HIVEP3: variants seen among roughly 807,000 people sequenced by gnomAD.
HIVEP3 encodes HIVEP zinc finger 3, also known as transcription factor HIVEP3.
Under a neutral mutation model 152.8 loss-of-function variants are expected in HIVEP3, and 49 were observed. The observed-to-expected ratio is 0.32, with a 90% CI of 0.26 to 0.41. The LOEUF (loss-of-function observed/expected upper bound fraction) is 0.41, where lower values mean the gene tolerates loss of function less well. HIVEP3 is among the 10% of genes least tolerant of loss of function. The pLI is 1.00. For synonymous variants in HIVEP3, 1,269 were observed against 1,289.0 expected, an observed-to-expected ratio of 0.98 and a Z score of 0.33; for missense variants, 2,790 against 3,103.3, an observed-to-expected ratio of 0.90 and a Z score of 2.40.
intron 2 of HIVEP3, among the ~76,000 whole-genome samples, chr1:41,663,252 G>C (rs909832007): frequency 6.6e-6 from 1 of 152,222 alleles, no homozygotes; most frequent in African/African-American, 2.4e-5. Context: ...GTGGAACCAG[G>C]GCTGGCCCTG....
intron 1 of HIVEP3, among the ~76,000 whole-genome samples, chr1:41,736,969 C>T (rs910659252): frequency 1.3e-5 from 2 of 152,178 alleles, no homozygotes; most frequent in African/African-American, 4.8e-5. Flanking sequence ...CAGCCACCAC[C>T]TACCCCTTCT....
Position 41,690,670 on chromosome 1 carries a change from C to A in HIVEP3, c.-721+10246G>T, listed in dbSNP as rs568894625. 2.6e-5 allele frequency among the ~76,000 whole-genome samples: 4 copies of A among 152,298 alleles called. No homozygotes were observed. The South Asian group carries it at 8.3e-4, about 32-fold the overall frequency. ...CGGTGGCTTACACCTGTAATCCCAG[C>A]ACTTTGGGAGGCCGAGGCAGATGGA... On this transcript the variant is annotated intron_variant, in intron 2 of 8. Coordinates refer to ENST00000372583, the MANE Select transcript of HIVEP3 (RefSeq NM_024503.5).
chr1:41,628,459 G>A (rs1033502570), intron 3 of HIVEP3, among the ~76,000 whole-genome samples: 1 of 152,136 alleles, frequency 6.6e-6, no homozygotes, highest in Non-Finnish European at 1.5e-5. Context: ...AGGAGCTGTT[G>A]TGTCCTTTGC....
rs762121105 is a variant in HIVEP3, at chr1:41,580,590, G to T, written c.4208C>A (p.Pro1403His). 4.7e-5 allele frequency: 76 copies of T among 1,614,018 alleles called. No individual in the cohort carries two copies. Among genetic ancestry groups the T allele is most frequent in the Non-Finnish European group, 6.4e-5 (75 of 1,180,034 alleles). ...TPYLRVPVTL[P>H]ERKGTSLSSE... ...TGACAGGGAAGTGCCTTTTCTTTCA[G>T]GTAATGTCACAGGCACTCTCAGGTA... Residue 1403 changes from proline (P) to histidine (H), a missense_variant, in exon 4 of 9, where the codon CCT becomes CAT. Around this residue, in one of 9 missense-constraint regions of HIVEP3, gnomAD observed 1,078 missense variants for 1,165.3 expected, o/e 0.93. Coordinates refer to ENST00000372583, the MANE Select transcript of HIVEP3 (RefSeq NM_024503.5).
At chr1:41,857,570 A>G (rs1187697880) in intron 1 of HIVEP3, among the ~76,000 whole-genome samples, 4 of 152,176 alleles carry the variant, frequency 2.6e-5, no homozygotes, top group Non-Finnish European at 4.4e-5. Context: ...TCTAAATAAC[A>G]TGGGGTTTTC....
At chr1:41,981,494 C>T (rs1163351803) in intron 1 of HIVEP3, among the ~76,000 whole-genome samples, 2 of 152,036 alleles carry the variant, frequency 1.3e-5, no homozygotes, top group Non-Finnish European at 2.9e-5. Context: ...GCTGAGCTGG[C>T]GGCTGGACTC....
At position 41,536,837 on chromosome 1, in the gene HIVEP3, A is replaced by G. The variant is rs141144664; in HGVS notation, c.5208-11927T>C. ...GGGCTGTCATGATTCCCATTTACAC[A>G]GGAGAAAACAGTCCCAGAGAGGTTA... On this transcript the variant is annotated intron_variant, in intron 5 of 8. Transcript: ENST00000372583. Among the ~76,000 whole-genome samples the G allele has an allele frequency of 3.0e-4, 46 of 152,318 alleles. No individual in the cohort carries two copies. In the East Asian group the frequency reaches 7.3e-3, roughly 24 times the overall value.
At chr1:42,029,288 A>G (rs1397785956) in intron 1 of HIVEP3, among the ~76,000 whole-genome samples, 3 of 152,110 alleles carry the variant, frequency 2.0e-5, no homozygotes, top group Non-Finnish European at 4.4e-5. Flanking sequence ...ACAAACTTCC[A>G]CCAACTTTTA....
At chr1:41,798,645 T>G (rs146066183) in intron 1 of HIVEP3, among the ~76,000 whole-genome samples, 1 of 152,240 alleles carries the variant, frequency 6.6e-6, no homozygotes. Context: ...AATTAAAAAA[T>G]GTATTTTTGC....
intron 1 of HIVEP3, among the ~76,000 whole-genome samples, chr1:41,712,945 C>T (rs1251973987): frequency 1.3e-5 from 2 of 152,216 alleles, no homozygotes; most frequent in African/African-American, 4.8e-5. Flanking sequence ...GCGGGGCAGG[C>T]TTGTCCTTCC....
At chr1:41,676,553 A>T (rs141756742) in intron 2 of HIVEP3, among the ~76,000 whole-genome samples, 16 of 152,352 alleles carry the variant, frequency 1.1e-4, no homozygotes, top group Admixed American at 3.3e-4. Context: ...GGGATAAGCC[A>T]ATATAGAATG....
At chr1:41,894,481 T>C (rs1644498619) in intron 1 of HIVEP3, among the ~76,000 whole-genome samples, 1 of 152,228 alleles carries the variant, frequency 6.6e-6, no homozygotes, top group Non-Finnish European at 1.5e-5. Flanking sequence ...CTTCATTCCA[T>C]GTTAACCTTA....
intron 1 of HIVEP3, among the ~76,000 whole-genome samples, chr1:41,952,451 T>C (rs1378587731): frequency 1.3e-5 from 2 of 152,112 alleles, no homozygotes; most frequent in Non-Finnish European, 2.9e-5. Context: ...CATTCATTCA[T>C]TGTGAAGTGT....
chr1:41,984,347 T>C (rs984049573), intron 1 of HIVEP3, among the ~76,000 whole-genome samples: 19 of 151,890 alleles, frequency 1.3e-4, no homozygotes, highest in Admixed American at 7.2e-4. Flanking sequence ...AAGCAGACAA[T>C]ACAGAAGGGC....
chr1:42,005,436 GTA>G (rs1438254834), intron 1 of HIVEP3, among the ~76,000 whole-genome samples: 2 of 151,870 alleles, frequency 1.3e-5, no homozygotes, highest in Non-Finnish European at 2.9e-5. Context: ...ATGTCTATGT[GTA>G]TATATATCTA....
chr1:42,020,574 G>T (rs1176895693), intron 1 of HIVEP3, among the ~76,000 whole-genome samples: 1 of 152,054 alleles, frequency 6.6e-6, no homozygotes, highest in Non-Finnish European at 1.5e-5. Context: ...CCAGTCATTG[G>T]ATAATAAATC....
At position 41,556,734 on chromosome 1, in the gene HIVEP3, T is replaced by C. The variant is rs947368334; in HGVS notation, c.5207+18810A>G. Among the ~76,000 whole-genome samples the C allele has an allele frequency of 7.9e-5, 12 of 152,358 alleles. No individual in the cohort carries two copies. The South Asian group carries it at 2.5e-3, about 32-fold the overall frequency. On this transcript the variant is annotated intron_variant, in intron 5 of 8. Coordinates refer to ENST00000372583, the MANE Select transcript of HIVEP3 (RefSeq NM_024503.5). ...ATCCAATTTCATGAAGTTCTTCCCT[T>C]ATGTTTTCTCCTAAGAGTTTTATTA...
intron 5 of HIVEP3, among the ~76,000 whole-genome samples, chr1:41,527,779 C>T (rs893849010): frequency 4.7e-5 from 7 of 147,984 alleles, no homozygotes; most frequent in Non-Finnish European, 1.0e-4. Context: ...CACTCCTGCA[C>T]TCACACTCGT....
intron 1 of HIVEP3, among the ~76,000 whole-genome samples, chr1:41,893,957 G>A (rs189947759): frequency 4.7e-5 from 7 of 149,794 alleles, no homozygotes; most frequent in Admixed American, 4.7e-4. Flanking sequence ...GTCTCACTCT[G>A]TTGCACAGGC....
Sources: allele counts gnomAD v4.1 joint callset (sites outside exome capture counted in the v4.1 genomes callset), GRCh38; gene constraint gnomAD v4.1.1; regional missense constraint gnomAD v4.1.1; transcripts MANE v1.5; gene names NCBI Gene and HGNC (gene_info 2026-07-23, HGNC 2026-07-21).